DLGAP5: variants seen among roughly 807,000 people sequenced by gnomAD.
The protein encoded by DLGAP5 is disks large-associated protein 5.
A neutral mutation model predicts 99.6 loss-of-function variants in DLGAP5; 90 were observed. That is an observed-to-expected ratio of 0.90 (90% confidence interval 0.76 to 1.08). DLGAP5 has a LOEUF of 1.08. DLGAP5 is among the 50% of genes least tolerant of loss of function. DLGAP5 has a pLI of 0.00. For synonymous variants in DLGAP5, 311 were observed against 321.3 expected (o/e 0.97, Z 0.34); for missense variants, 1,036 against 983.5 (o/e 1.05, Z -0.71).
intron 12 of DLGAP5, among the ~76,000 whole-genome samples, chr14:55,164,347 A>T (rs1882557785): frequency 6.6e-6 from 1 of 152,144 alleles, no homozygotes; most frequent in East Asian, 1.9e-4. Context: ...TCAGAATTAC[A>T]CTCATGACCA....
In DLGAP5 at chr14:55,182,435, TAG is replaced by T. The variant is rs1342677297; in HGVS notation, c.433-5_433-4del. Reference sequence around the variant, plus strand: ...ATCCGTACAGAAGATGGAATAGCCTTAGAACAGTCAAAAGAAGATGAACTTAA... The same window carrying T: ...ATCCGTACAGAAGATGGAATAGCCTTAACAGTCAAAAGAAGATGAACTTAA... On this transcript the variant is annotated splice_polypyrimidine_tract_variant and splice_region_variant and intron_variant, in intron 3 of 18. Transcript: ENST00000247191. 1 of 1,606,714 alleles carries T rather than the reference TAG, an allele frequency of 6.2e-7. No individual in the cohort carries two copies. The highest frequency in any genetic ancestry group is 2.2e-5 in the East Asian group (1 of 44,720).
chr14:55,184,122 C>T (rs8019211), intron 2 of DLGAP5, among the ~76,000 whole-genome samples: 120,587 of 151,660 alleles, frequency 0.8, 48,735 homozygotes, highest in African/African-American at 0.94. Flanking sequence ...CCCTGCACTC[C>T]AGCCTAAGCA....
At chr14:55,176,745 G>C (rs1353120405) in intron 8 of DLGAP5, among the ~76,000 whole-genome samples, 1 of 151,842 alleles carries the variant, frequency 6.6e-6, no homozygotes, top group Admixed American at 6.6e-5. Context: ...TTGGGAGGCC[G>C]AGGCGGGCGG....
rs375250164 is a variant in DLGAP5 at position 55,160,492 on chromosome 14, G to C, written c.1654-1751C>G. 2.5e-4 allele frequency among the ~76,000 whole-genome samples: 38 copies of C among 152,130 alleles called. 2 individuals carry two copies. Among genetic ancestry groups the C allele is most frequent in the African/African-American group, 9.2e-4 (38 of 41,524 alleles). ...TGAGAGAGTCTTGATGTGTCGCCCA[G>C]GCTGGAGTGCAGTGGCATGATCTCG... On this transcript the variant is annotated intron_variant, in intron 13 of 18. Coordinates refer to ENST00000247191, the MANE Select transcript of DLGAP5 (RefSeq NM_014750.5).
At chr14:55,181,863 A>G (rs989237174) in intron 4 of DLGAP5, among the ~76,000 whole-genome samples, 1 of 152,180 alleles carries the variant, frequency 6.6e-6, no homozygotes, top group African/African-American at 2.4e-5. Context: ...TTCCACAAAG[A>G]GAATTTAGTT....
chr14:55,182,476 A>G (rs377055908), intron 3 of DLGAP5, 44 bp from the exon 4 acceptor site: 3 of 1,519,794 alleles, frequency 2.0e-6, no homozygotes, highest in Non-Finnish European at 2.7e-6. Context: ...ATGAACTGGT[A>G]AAGGTTTACT....
At chr14:55,187,421 C>T (rs188042636) in intron 2 of DLGAP5, among the ~76,000 whole-genome samples, 60 of 150,080 alleles carry the variant, frequency 4.0e-4, no homozygotes, top group African/African-American at 8.4e-4. Flanking sequence ...TGGGTTCAAG[C>T]GATTCTCCTG....
At chr14:55,180,524 T>C in intron 6 of DLGAP5, 132 bp downstream of exon 6, 3 of 1,278,340 alleles carry the variant, frequency 2.3e-6, no homozygotes, top group Non-Finnish European at 3.3e-6. Flanking sequence ...ACAGAATCTA[T>C]TTTCAGGTAT....
At chr14:55,179,212 G>A (rs1215009441) in intron 7 of DLGAP5, among the ~76,000 whole-genome samples, 1 of 151,952 alleles carries the variant, frequency 6.6e-6, no homozygotes, top group Non-Finnish European at 1.5e-5. Context: ...GGTATTCCAT[G>A]TTAGGAATAA....
At chr14:55,164,269 G>A (rs747707477) in intron 12 of DLGAP5, among the ~76,000 whole-genome samples, 2 of 151,746 alleles carry the variant, frequency 1.3e-5, no homozygotes, top group Non-Finnish European at 2.9e-5. Context: ...CGAGAAGGTC[G>A]AGACTAGCCT....
intron 14 of DLGAP5, among the ~76,000 whole-genome samples, chr14:55,155,587 A>G (rs1422321786): frequency 6.6e-6 from 1 of 151,844 alleles, no homozygotes. Context: ...ACCTCAGGTG[A>G]TCCACCTGCC....
chr14:55,163,719 C>T (rs1882529195), intron 12 of DLGAP5, among the ~76,000 whole-genome samples: 1 of 152,190 alleles, frequency 6.6e-6, no homozygotes, highest in Non-Finnish European at 1.5e-5. Context: ...TCACTGTTCC[C>T]TAGTAGGTAT....
chr14:55,186,155 A>G (rs1475753055), intron 2 of DLGAP5, among the ~76,000 whole-genome samples: 1 of 152,152 alleles, frequency 6.6e-6, no homozygotes, highest in African/African-American at 2.4e-5. Context: ...CTGTAATCCC[A>G]GCTACTCAGG....
At chr14:55,188,887 A>C in intron 2 of DLGAP5, 55 bp downstream of exon 2, 1 of 1,411,482 alleles carries the variant, frequency 7.1e-7, no homozygotes, top group South Asian at 1.3e-5. Flanking sequence ...CAGGCATTAA[A>C]CCAACTATTA....
At chr14:55,153,699 T>G (rs1245378941) in intron 15 of DLGAP5, among the ~76,000 whole-genome samples, 1 of 152,202 alleles carries the variant, frequency 6.6e-6, no homozygotes, top group Non-Finnish European at 1.5e-5. Context: ...CAAAACATTT[T>G]TAAAGAGTAC....
chr14:55,186,702 AC>A, intron 2 of DLGAP5, among the ~76,000 whole-genome samples: 1 of 152,266 alleles, frequency 6.6e-6, no homozygotes, highest in South Asian at 2.1e-4. Context: ...ACCTCACTCC[AC>A]CAAAACTATT....
chr14:55,170,720 A>G lies in DLGAP5; in HGVS notation c.1369T>C (p.Leu457=), dbSNP rs568643061. 12 of 1,613,610 alleles carry G rather than the reference A, an allele frequency of 7.4e-6. No homozygotes were observed. In the South Asian group the frequency reaches 7.7e-5, roughly 10 times the overall value. ...GCCTCACCATCATCTGGAATGTCCA[A>G]TTCAAGTTTCCTGTCCCACTCGAAG... is the stretch of plus-strand genomic sequence containing the variant. ...HCFEWDRKLE[L]DIPDDAKDLI... The change falls in exon 11 of 19, where the codon TTG becomes CTG. Residue 457 remains leucine (L), a synonymous_variant. Transcript: ENST00000247191.
intron 14 of DLGAP5, among the ~76,000 whole-genome samples, chr14:55,156,478 A>C (rs1253767210): frequency 6.6e-6 from 1 of 152,246 alleles, no homozygotes; most frequent in Non-Finnish European, 1.5e-5. Context: ...CAGGAAGCAG[A>C]TGGAAAGCAT....
chr14:55,154,309 A>G (rs1166079175), intron 15 of DLGAP5, among the ~76,000 whole-genome samples: 1 of 152,226 alleles, frequency 6.6e-6, no homozygotes, highest in Non-Finnish European at 1.5e-5. Flanking sequence ...CTAGTAAGTC[A>G]CAGAGCTCTT....
Sources: gnomAD v4.1 joint callset for allele counts (sites outside exome capture counted in the v4.1 genomes callset) on GRCh38, gnomAD v4.1.1 for gene constraint, MANE v1.5 for transcripts, NCBI Gene and HGNC (gene_info 2026-07-23, HGNC 2026-07-21) for gene names.